The following GDPD1 variants were observed in gnomAD, a reference collection of about 807,000 sequenced individuals.
GDPD1 encodes the protein lysophospholipase D GDPD1.
In GDPD1, 28 loss-of-function variants were observed where a neutral mutation model predicts 45.1. That is an observed-to-expected ratio of 0.62 (90% CI 0.46 to 0.85). GDPD1 has a LOEUF of 0.85. GDPD1 is among the 40% of genes least tolerant of loss of function. The pLI, the probability that GDPD1 is intolerant of heterozygous loss-of-function variation, is 0.00. For missense variants in GDPD1, 256 were observed against 364.8 expected, an observed-to-expected ratio of 0.70 and a Z score of 2.43; for synonymous variants, 139 against 131.4, an observed-to-expected ratio of 1.06 and a Z score of -0.40.
intron 1 of GDPD1, among the ~76,000 whole-genome samples, chr17:59,227,375 C>T (rs1439797840): frequency 6.6e-6 from 1 of 151,518 alleles, no homozygotes; most frequent in African/African-American, 2.4e-5. Context: ...GCTGAGATTG[C>T]ACCACTGCAC....
chr17:59,274,136 G>A lies in GDPD1; in HGVS notation c.*363G>A. ...TCTTGATCAATAACCTAGAAACTAG[G>A]TTATCTAGGTTATTGATCAAGATTT... is the stretch of plus-strand genomic sequence containing the variant. On this transcript the variant is annotated 3_prime_UTR_variant, in exon 10 of 10. Coordinates refer to ENST00000284116, the MANE Select transcript of GDPD1 (RefSeq NM_182569.4). The A allele has an allele frequency of 1.2e-6, 1 of 818,724 alleles. No individual in the cohort carries two copies. The highest frequency in any genetic ancestry group is 5.6e-5 in the South Asian group (1 of 17,768). The allele number at this position is 818,724 out of a possible 1,614,324, so 50.7% of individuals were successfully genotyped here.
chr17:59,255,857 G>GTATATATATATACGCGTA (rs2047303374), intron 4 of GDPD1, among the ~76,000 whole-genome samples: 1 of 40,900 alleles, frequency 2.4e-5, no homozygotes, highest in Admixed American at 3.0e-4. Flanking sequence ...ATATACACAC[G>GTATATATATATACGCGTA]TATATATATA....
At chr17:59,271,582 T>TTTA (rs2047444297) in intron 8 of GDPD1, among the ~76,000 whole-genome samples, 2 of 151,804 alleles carry the variant, frequency 1.3e-5, no homozygotes, top group Admixed American at 6.6e-5. Flanking sequence ...ATCACAACTT[T>TTTA]TTATTATTTA....
At chr17:59,230,868 C>G (rs2047083934) in intron 1 of GDPD1, among the ~76,000 whole-genome samples, 1 of 152,102 alleles carries the variant, frequency 6.6e-6, no homozygotes, top group Non-Finnish European at 1.5e-5. Flanking sequence ...CATTATTGCC[C>G]CAGAAAGACA....
intron 2 of GDPD1, among the ~76,000 whole-genome samples, chr17:59,240,704 C>G (rs1162938317): frequency 3.3e-5 from 5 of 152,148 alleles, no homozygotes; most frequent in Admixed American, 2.0e-4. Flanking sequence ...CTCCTGACCT[C>G]AAGCAATCCT....
At chr17:59,257,665 T>A (rs2147896331) in intron 5 of GDPD1, 86 bp from the exon 6 acceptor site, 1 of 813,954 alleles carries the variant, frequency 1.2e-6, no homozygotes. Context: ...TCACAGATAG[T>A]CAATTCTAAT....
At chr17:59,236,812 T>A (rs2047135730) in intron 2 of GDPD1, among the ~76,000 whole-genome samples, 2 of 152,048 alleles carry the variant, frequency 1.3e-5, no homozygotes, top group African/African-American at 2.4e-5. Context: ...ACCCAACCTT[T>A]CATATGCTAT....
chr17:59,239,654 T>A (rs1344029956), intron 2 of GDPD1, among the ~76,000 whole-genome samples: 1 of 152,110 alleles, frequency 6.6e-6, no homozygotes, highest in Non-Finnish European at 1.5e-5. Flanking sequence ...ACAATAAGCA[T>A]ACATAGAAAA....
At chr17:59,267,602 A>T (rs1413470801) in intron 7 of GDPD1, among the ~76,000 whole-genome samples, 1 of 152,096 alleles carries the variant, frequency 6.6e-6, no homozygotes, top group Non-Finnish European at 1.5e-5. Context: ...CCACCATAAA[A>T]ACCTCTGGAG....
rs940782011 is a variant in GDPD1 at position 59,274,927 on chromosome 17, T to C, written c.*1154T>C. Among the ~76,000 whole-genome samples, 9 of 151,222 alleles carry C rather than the reference T, an allele frequency of 6.0e-5. No homozygotes were observed. The highest frequency in any genetic ancestry group is 1.3e-4 in the Admixed American group (2 of 15,172). Reference sequence around the variant, plus strand: ...TGCGATCTTGGCTCACTGCAACCTCTGCCTCCCAGGTTCCAGCAATTCTCC... The same window carrying C: ...TGCGATCTTGGCTCACTGCAACCTCCGCCTCCCAGGTTCCAGCAATTCTCC... On this transcript the variant is annotated 3_prime_UTR_variant, in exon 10 of 10. Transcript: ENST00000284116.
rs1338586982 is a variant in GDPD1 at position 59,229,123 on chromosome 17, TTATTATTATTATTA to T, written c.143-5367_143-5354del. Among the ~76,000 whole-genome samples, 8 of 20,594 alleles carry T rather than the reference TTATTATTATTATTA, an allele frequency of 3.9e-4. No individual in the cohort carries two copies. The East Asian group carries it at 6.3e-3, about 16-fold the overall frequency. The allele number at this position is 20,594 out of a possible 152,430, so 13.5% of individuals were successfully genotyped here. ...GAAAAAAATTTTTTTCCTCAAATTG[TTATTATTATTATTA>T]TTATTATTATTATTATTATTATTAT... On this transcript the variant is annotated intron_variant, in intron 1 of 9. Coordinates refer to ENST00000284116, the MANE Select transcript of GDPD1 (RefSeq NM_182569.4).
At chr17:59,252,802 C>A (rs1274013824) in intron 4 of GDPD1, among the ~76,000 whole-genome samples, 1 of 152,002 alleles carries the variant, frequency 6.6e-6, no homozygotes, top group Non-Finnish European at 1.5e-5. Context: ...GAGCTCGAGA[C>A]CAGCCTGGCC....
chr17:59,246,038 T>TGG (rs1200794487), intron 3 of GDPD1, among the ~76,000 whole-genome samples: 15 of 151,216 alleles, frequency 9.9e-5, no homozygotes, highest in African/African-American at 3.6e-4. Context: ...GAGAATCACT[T>TGG]GAATCTGGGA....
intron 1 of GDPD1, among the ~76,000 whole-genome samples, chr17:59,225,312 C>G (rs1400046932): frequency 1.3e-5 from 2 of 151,546 alleles, no homozygotes; most frequent in African/African-American, 4.8e-5. Flanking sequence ...GCCATGTTGC[C>G]CAGGCTAGTC....
intron 4 of GDPD1, among the ~76,000 whole-genome samples, chr17:59,250,708 TC>T (rs2047246679): frequency 6.6e-6 from 1 of 152,156 alleles, no homozygotes; most frequent in African/African-American, 2.4e-5. Context: ...AACTGTTTTT[TC>T]TTTCTTTTGA....
intron 1 of GDPD1, among the ~76,000 whole-genome samples, chr17:59,231,565 A>G (rs2047090780): frequency 6.6e-6 from 1 of 151,920 alleles, no homozygotes; most frequent in Non-Finnish European, 1.5e-5. Flanking sequence ...AGACCTCATG[A>G]TCCACCCGCC....
At chr17:59,241,863 G>A (rs1276080027) in intron 2 of GDPD1, among the ~76,000 whole-genome samples, 1 of 152,016 alleles carries the variant, frequency 6.6e-6, no homozygotes, top group Non-Finnish European at 1.5e-5. Flanking sequence ...GGGAGGCAGA[G>A]GTTGCAGTGA....
At chr17:59,239,761 AG>A (rs1198485579) in intron 2 of GDPD1, among the ~76,000 whole-genome samples, 2 of 118,164 alleles carry the variant, frequency 1.7e-5, no homozygotes, top group South Asian at 5.6e-4. Context: ...TAATATGTAT[AG>A]TTTTTTTTTT....
At chr17:59,236,729 C>T (rs570744365) in intron 2 of GDPD1, among the ~76,000 whole-genome samples, 15 of 152,096 alleles carry the variant, frequency 9.9e-5, no homozygotes, top group African/African-American at 3.1e-4. Flanking sequence ...AGGCTGATCT[C>T]GAACTACGGA....
Sources: allele counts gnomAD v4.1 joint callset (sites outside exome capture counted in the v4.1 genomes callset), GRCh38; gene constraint gnomAD v4.1.1; transcripts MANE v1.5; gene names NCBI Gene and HGNC (gene_info 2026-07-23, HGNC 2026-07-21).